Variants in FGGY observed in about 807,000 individuals in gnomAD.
FGGY encodes FGGY carbohydrate kinase domain containing.
FGGY carries 72 observed loss-of-function variants against 71.3 expected under a neutral mutation model. The ratio of observed to expected loss-of-function variants is 1.01; its 90% CI spans 0.84 to 1.23. The LOEUF is 1.23. FGGY is among the 50% of genes most tolerant of loss of function. FGGY has a pLI of 0.00. For missense variants in FGGY, 668 were observed against 682.3 expected (o/e 0.98, Z 0.23); for synonymous variants, 251 against 250.3 (o/e 1.00, Z -0.02).
At position 59,650,939 on chromosome 1, in the gene FGGY, T is replaced by A. The variant is rs1030039289; in HGVS notation, c.1222-9280T>A. 1.3e-5 allele frequency among the ~76,000 whole-genome samples: 2 copies of A among 151,290 alleles called. 1 individual carries two copies. The highest frequency in any genetic ancestry group is 4.9e-5 in the African/African-American group (2 of 40,552). On this transcript the variant is annotated intron_variant, in intron 11 of 15. Coordinates refer to ENST00000303721, the MANE Select transcript of FGGY (RefSeq NM_018291.5). ...TGCTTTGAATGTGTCCCAGAGATTC[T>A]GGTACGTTGTGTCTTTGTTCTCGTT...
At chr1:59,302,475 A>G (rs2042912369) in intron 1 of FGGY, among the ~76,000 whole-genome samples, 1 of 152,230 alleles carries the variant, frequency 6.6e-6, no homozygotes. Flanking sequence ...AATACTATGC[A>G]GCCATAAAAA....
chr1:59,310,020 A>C (rs923362740), intron 1 of FGGY: 1 of 151,754 alleles, frequency 6.6e-6, no homozygotes, highest in Non-Finnish European at 1.5e-5. Context: ...ACTGGTAAAC[A>C]TAAGAATGGG....
At chr1:59,525,058 G>C (rs2094939412) in intron 7 of FGGY, among the ~76,000 whole-genome samples, 2 of 152,206 alleles carry the variant, frequency 1.3e-5, no homozygotes, top group African/African-American at 4.8e-5. Context: ...AAGCCTCCAG[G>C]TGCCCGTGTT....
intron 4 of FGGY, among the ~76,000 whole-genome samples, chr1:59,348,489 A>G (rs984009603): frequency 1.3e-5 from 2 of 152,048 alleles, no homozygotes; most frequent in African/African-American, 4.8e-5. Context: ...TTAGAGATGG[A>G]TGTGTGAGAA....
rs138242202 is a variant in FGGY at position 59,743,474 on chromosome 1, A to G, written c.1513-14457A>G. 1.9e-4 allele frequency among the ~76,000 whole-genome samples: 29 copies of G among 152,344 alleles called. No individual in the cohort carries two copies. In the East Asian group the frequency reaches 5.4e-3, roughly 28 times the overall value. On this transcript the variant is annotated intron_variant, in intron 14 of 15. Coordinates refer to ENST00000303721, the MANE Select transcript of FGGY (RefSeq NM_018291.5). ...TATTTGGTTGCACAATAAAAATGAC[A>G]TTATCTGGCTCAAACTTCCCATTTT...
chr1:59,535,595 C>T (rs1049873185), intron 7 of FGGY, among the ~76,000 whole-genome samples: 1 of 151,870 alleles, frequency 6.6e-6, no homozygotes, highest in African/African-American at 2.4e-5. Flanking sequence ...AAGCTCTCCT[C>T]AGCAAATGTA....
chr1:59,677,010 T>C (rs1044020790), intron 14 of FGGY, among the ~76,000 whole-genome samples: 1 of 152,220 alleles, frequency 6.6e-6, no homozygotes, highest in African/African-American at 2.4e-5. Context: ...ACTATCGAGA[T>C]AAAGAGCCTT....
chr1:59,480,117 T>G (rs2093416324), intron 6 of FGGY, among the ~76,000 whole-genome samples: 1 of 152,190 alleles, frequency 6.6e-6, no homozygotes, highest in Admixed American at 6.5e-5. Context: ...GAAACTTGCC[T>G]TTTTCAGTCC....
At chr1:59,725,946 C>T (rs936942944) in intron 14 of FGGY, among the ~76,000 whole-genome samples, 15 of 152,218 alleles carry the variant, frequency 9.9e-5, no homozygotes, top group South Asian at 2.1e-4. Flanking sequence ...ACTTCCAGTA[C>T]AGTCTTGAAT....
At chr1:59,567,078 G>C (rs1480358345) in intron 8 of FGGY, among the ~76,000 whole-genome samples, 2 of 152,136 alleles carry the variant, frequency 1.3e-5, no homozygotes, top group African/African-American at 2.4e-5. Flanking sequence ...CAACTGTAAA[G>C]GTTTGTTGGA....
At chr1:59,697,449 A>G (rs1289184845) in intron 14 of FGGY, among the ~76,000 whole-genome samples, 1 of 152,068 alleles carries the variant, frequency 6.6e-6, no homozygotes, top group African/African-American at 2.4e-5. Flanking sequence ...ATCATACAGC[A>G]TTTGTCTTTT....
chr1:59,553,899 G>A (rs972784616), intron 7 of FGGY: 1 of 407,006 alleles, frequency 2.5e-6, no homozygotes. Flanking sequence ...AACGTTGGGT[G>A]CCATACATTG....
intron 6 of FGGY, among the ~76,000 whole-genome samples, chr1:59,508,966 A>G (rs1468973553): frequency 6.6e-6 from 1 of 152,200 alleles, no homozygotes; most frequent in Non-Finnish European, 1.5e-5. Context: ...TTCCTGCAGC[A>G]CCTTGGTGAA....
intron 5 of FGGY, among the ~76,000 whole-genome samples, chr1:59,399,034 A>G (rs835418): frequency 0.06 from 9,075 of 152,226 alleles, 863 homozygotes; most frequent in African/African-American, 0.21. Context: ...TTGGGTGTAA[A>G]GGAAGCCTGG....
intron 8 of FGGY, among the ~76,000 whole-genome samples, chr1:59,575,845 T>A (rs1320060787): frequency 6.6e-6 from 1 of 152,232 alleles, no homozygotes; most frequent in Non-Finnish European, 1.5e-5. Flanking sequence ...CTAAATATTC[T>A]CATATGGTTT....
chr1:59,750,745 C>T (rs762414798), intron 14 of FGGY, among the ~76,000 whole-genome samples: 24 of 152,214 alleles, frequency 1.6e-4, no homozygotes, highest in Admixed American at 6.5e-4. Context: ...TTTCTTAATG[C>T]GTGTTGAAGG....
intron 8 of FGGY, among the ~76,000 whole-genome samples, chr1:59,591,016 A>T (rs2096423191): frequency 6.6e-6 from 1 of 152,216 alleles, no homozygotes; most frequent in Admixed American, 6.5e-5. Flanking sequence ...TTTGCAGATG[A>T]CGTGATTGTA....
At chr1:59,761,722 C>T (rs2098342180) in intron 15 of FGGY, among the ~76,000 whole-genome samples, 2 of 152,186 alleles carry the variant, frequency 1.3e-5, no homozygotes, top group South Asian at 2.1e-4. Flanking sequence ...TGTGAGATGT[C>T]TGGAAGGCGA....
At chr1:59,443,222 A>C (rs2070374434) in intron 5 of FGGY, among the ~76,000 whole-genome samples, 1 of 152,156 alleles carries the variant, frequency 6.6e-6, no homozygotes. Context: ...TTTATATTGA[A>C]GAATATTCTC....
Sources: gnomAD v4.1 joint callset for allele counts (sites outside exome capture counted in the v4.1 genomes callset) on GRCh38, gnomAD v4.1.1 for gene constraint, MANE v1.5 for transcripts, NCBI Gene and HGNC (gene_info 2026-07-23, HGNC 2026-07-21) for gene names.